Variants in PLCB1 observed in about 807,000 individuals in gnomAD.
The protein encoded by PLCB1 is phospholipase C beta 1.
Under a neutral mutation model 161.8 loss-of-function variants are expected in PLCB1, and 46 were observed. The ratio of observed to expected loss-of-function variants is 0.28; its 90% CI spans 0.22 to 0.36. The LOEUF is 0.36. PLCB1 is among the 10% of genes least tolerant of loss of function. PLCB1 has a pLI of 1.00. For missense variants in PLCB1, 1,016 were observed against 1,472.5 expected (o/e 0.69, Z 5.07); for synonymous variants, 517 against 503.7 (o/e 1.03, Z -0.35).
intron 15 of PLCB1, among the ~76,000 whole-genome samples, 186 bp downstream of exon 15, chr20:8,722,607 T>C (rs750899203): frequency 4.6e-5 from 7 of 152,088 alleles, no homozygotes; most frequent in Non-Finnish European, 1.0e-4. Flanking sequence ...AGATATGGCG[T>C]TTAGAAAAAT....
At chr20:8,301,512 G>C (rs561856201) in intron 2 of PLCB1, among the ~76,000 whole-genome samples, 2 of 152,238 alleles carry the variant, frequency 1.3e-5, no homozygotes, top group South Asian at 4.1e-4. Context: ...CAGCCAGAAT[G>C]CTAAGAGAGC....
At chr20:8,564,666 G>C (rs1811970593) in intron 3 of PLCB1, among the ~76,000 whole-genome samples, 1 of 152,084 alleles carries the variant, frequency 6.6e-6, no homozygotes, top group African/African-American at 2.4e-5. Flanking sequence ...CCATCAAAAA[G>C]TGGGCGATGG....
intron 4 of PLCB1, among the ~76,000 whole-genome samples, chr20:8,641,576 C>A (rs960424241): frequency 6.6e-6 from 1 of 152,350 alleles, no homozygotes; most frequent in Non-Finnish European, 1.5e-5. Context: ...CTCTTCTGGT[C>A]ATTGCTTCCT....
intron 7 of PLCB1, among the ~76,000 whole-genome samples, chr20:8,655,097 ATGT>A (rs764779912): frequency 1.4e-4 from 22 of 152,206 alleles, no homozygotes; most frequent in East Asian, 3.9e-4. Context: ...AATGAAAATA[ATGT>A]TGTGTTTATT....
intron 2 of PLCB1, among the ~76,000 whole-genome samples, chr20:8,237,901 A>G (rs1303556833): frequency 1.3e-5 from 2 of 152,146 alleles, no homozygotes; most frequent in African/African-American, 2.4e-5. Context: ...CCAACTTCTT[A>G]TAAAAAGATT....
intron 2 of PLCB1, among the ~76,000 whole-genome samples, chr20:8,293,672 A>G (rs2123306779): frequency 6.6e-6 from 1 of 152,270 alleles, no homozygotes; most frequent in South Asian, 2.1e-4. Flanking sequence ...GAAAAAGGCA[A>G]TAACCTCTTA....
At chr20:8,706,048 C>T (rs1978652579) in intron 11 of PLCB1, among the ~76,000 whole-genome samples, 1 of 152,208 alleles carries the variant, frequency 6.6e-6, no homozygotes, top group Non-Finnish European at 1.5e-5. Context: ...AGAAGAAACC[C>T]TAGGATCACA....
chr20:8,661,213 C>T (rs546728268), intron 9 of PLCB1, among the ~76,000 whole-genome samples: 3 of 152,246 alleles, frequency 2.0e-5, no homozygotes, highest in African/African-American at 7.2e-5. Context: ...AGAAGATGCA[C>T]CTGCTCATGA....
At chr20:8,777,583 G>A (rs563144686) in intron 27 of PLCB1, among the ~76,000 whole-genome samples, 5 of 152,106 alleles carry the variant, frequency 3.3e-5, no homozygotes, top group South Asian at 2.1e-4. Flanking sequence ...GCCAGGCATG[G>A]TGGTGGGTGC....
chr20:8,839,043 T>C (rs932209718), intron 31 of PLCB1, among the ~76,000 whole-genome samples: 7 of 152,204 alleles, frequency 4.6e-5, no homozygotes, highest in Admixed American at 3.3e-4. Context: ...GGGATCTTAA[T>C]TGGCTTTCAT....
At chr20:8,805,528 C>T (rs750492222) in intron 31 of PLCB1, among the ~76,000 whole-genome samples, 2 of 152,062 alleles carry the variant, frequency 1.3e-5, no homozygotes, top group East Asian at 1.9e-4. Flanking sequence ...AGTTTAAGGC[C>T]GTAGAAAGGC....
chr20:8,511,567 T>G (rs554779680), intron 3 of PLCB1, among the ~76,000 whole-genome samples: 1 of 152,156 alleles, frequency 6.6e-6, no homozygotes, highest in Non-Finnish European at 1.5e-5. Context: ...CTAGGGTAAT[T>G]CTATTTTCAG....
At chr20:8,629,782 CTTCCTTCCTTTCTTTCTTTTCTTTCT>C (rs1568535722) in intron 4 of PLCB1, among the ~76,000 whole-genome samples, 1 of 118,218 alleles carries the variant, frequency 8.5e-6, no homozygotes, top group Non-Finnish European at 1.7e-5. Context: ...GGCCTGGTTC[CTTCCTTCCTTTCTTTCTTTTCTTTCT>C]TTTCTTTCTT....
At chr20:8,432,917 C>T (rs1376547941) in intron 3 of PLCB1, among the ~76,000 whole-genome samples, 5 of 152,116 alleles carry the variant, frequency 3.3e-5, no homozygotes, top group South Asian at 4.1e-4. Context: ...CTGCCAGTGG[C>T]GCCCGTGGGA....
rs756918444 is a variant in PLCB1 at position 8,765,244 on chromosome 20, A to G, written c.2816A>G (p.Lys939Arg). 6.2e-7 allele frequency: 1 copy of G among 1,614,060 alleles called. No homozygotes were observed. Among genetic ancestry groups the G allele is most frequent in the Non-Finnish European group, 8.5e-7 (1 of 1,179,900 alleles). ...AAAGACCTGGTTAAGAGACACCACA[A>G]GAAAACCACTGACCTTATCAAAGAA... ...EMKDLVKRHH[K>R]KTTDLIKEHT... The change falls in exon 26 of 32, where the codon AAG (lysine) becomes AGG (arginine). Residue 939 changes from lysine (K) to arginine (R), a missense_variant. Physicochemically the swap from Lys to Arg is conservative, Grantham distance 26. Transcript: ENST00000338037.
At chr20:8,779,197 A>G (rs554060029) in intron 27 of PLCB1, among the ~76,000 whole-genome samples, 1 of 152,254 alleles carries the variant, frequency 6.6e-6, no homozygotes, top group South Asian at 2.1e-4. Flanking sequence ...TTAAGAAAGA[A>G]AGCATGGCAT....
Position 8,774,605 on chromosome 20 carries a change from T to C in PLCB1, c.2997T>C (p.Ala999=), listed in dbSNP as rs772420936. The part of the protein sequence containing the change: ...TIEQDLAALD[A]EMTQKLIDLK... Reference sequence around the variant, plus strand: ...AGCAAGACCTCGCTGCTCTGGATGCTGAAATGACCCAAAAGTTAATAGACT... The same window carrying C: ...AGCAAGACCTCGCTGCTCTGGATGCCGAAATGACCCAAAAGTTAATAGACT... The change falls in exon 27 of 32, where the codon GCT becomes GCC. Residue 999 remains alanine, a synonymous_variant. Coordinates refer to ENST00000338037, the MANE Select transcript of PLCB1 (RefSeq NM_015192.4). 4 of 1,613,966 alleles carry C rather than the reference T, an allele frequency of 2.5e-6. No homozygotes were observed. The highest frequency in any genetic ancestry group is 8.5e-7 in the Non-Finnish European group (1 of 1,179,886).
intron 3 of PLCB1, among the ~76,000 whole-genome samples, chr20:8,423,555 T>C (rs1286554664): frequency 6.6e-6 from 1 of 152,190 alleles, no homozygotes; most frequent in African/African-American, 2.4e-5. Flanking sequence ...CTGAAGAATT[T>C]TTTATATATC....
intron 2 of PLCB1, among the ~76,000 whole-genome samples, chr20:8,161,046 A>G (rs1014323512): frequency 2.0e-5 from 3 of 152,064 alleles, no homozygotes; most frequent in East Asian, 1.9e-4. Context: ...CGTTGTTATC[A>G]TTATCCTTGT....
Sources: gnomAD v4.1 joint callset for allele counts (sites outside exome capture counted in the v4.1 genomes callset) on GRCh38, gnomAD v4.1.1 for gene constraint, MANE v1.5 for transcripts, NCBI Gene and HGNC (gene_info 2026-07-23, HGNC 2026-07-21) for gene names.